Variants in PCDHA8 observed in about 807,000 individuals in gnomAD.
PCDHA8 encodes protocadherin alpha 8.
In PCDHA8, 53 loss-of-function variants were observed where a neutral mutation model predicts 61.8. That is an observed-to-expected ratio of 0.86 (90% CI 0.69 to 1.08). The LOEUF (loss-of-function observed/expected upper bound fraction) is 1.08, where lower values mean the gene tolerates loss of function less well. Among genes scored for constraint, PCDHA8 ranks in the 50% least tolerant of loss-of-function variants. PCDHA8 has a pLI of 0.00. For missense variants in PCDHA8, 1,293 were observed against 1,245.0 expected (o/e 1.04, Z -0.58); for synonymous variants, 618 against 556.6 (o/e 1.11, Z -1.55).
At position 140,875,345 on chromosome 5, in the gene PCDHA8, A is replaced by T. The variant is rs183266244; in HGVS notation, c.2394+31630A>T. 3,872 of 1,443,290 alleles carry T rather than the reference A, an allele frequency of 2.7e-3. 16 individuals are homozygous for T. The highest frequency in any genetic ancestry group is 0.011 in the African/African-American group (735 of 69,882). 89.4% of individuals were successfully genotyped at this position (1,443,290 alleles called of 1,614,324 possible). On this transcript the variant is annotated intron_variant, in intron 1 of 3. Coordinates refer to ENST00000531613, the MANE Select transcript of PCDHA8 (RefSeq NM_018911.3). ...TTCACGGAATAGGATCGACTCCATA[A>T]TGACTGTGATGCTGGAAAAAATTTA...
intron 1 of PCDHA8, among the ~76,000 whole-genome samples, chr5:140,942,273 G>C (rs1360564646): frequency 6.6e-6 from 1 of 152,132 alleles, no homozygotes; most frequent in South Asian, 2.1e-4. Context: ...AGCTGGTAAT[G>C]GTGGCTCATG....
chr5:140,905,215 AAGGTG>A (rs2071683869), intron 1 of PCDHA8, among the ~76,000 whole-genome samples: 1 of 152,186 alleles, frequency 6.6e-6, no homozygotes, highest in Non-Finnish European at 1.5e-5. Flanking sequence ...ATTTTTGTGT[AAGGTG>A]AGAGATGAGG....
intron 1 of PCDHA8, among the ~76,000 whole-genome samples, chr5:140,895,833 C>G (rs1325973837): frequency 2.0e-5 from 3 of 152,038 alleles, no homozygotes; most frequent in Non-Finnish European, 2.9e-5. Context: ...TTTTTTCAGA[C>G]AAAGTCTCAC....
Position 140,967,279 on chromosome 5 carries a change from T to G in PCDHA8, c.2395-11670T>G, listed in dbSNP as rs184476796. The G allele has an allele frequency of 7.8e-5, 126 of 1,613,002 alleles. 1 individual carries two copies. The East Asian group carries it at 2.6e-3, about 34-fold the overall frequency. On this transcript the variant is annotated intron_variant, in intron 1 of 3. Coordinates refer to ENST00000531613, the MANE Select transcript of PCDHA8 (RefSeq NM_018911.3). ...CTGGAGCGCGCTTTCACATAGAGAGTGCGCAGGACCCCGACGTGGGCGCCA... is the reference window on the plus strand; with the variant it reads ...CTGGAGCGCGCTTTCACATAGAGAGGGCGCAGGACCCCGACGTGGGCGCCA...
chr5:140,883,558 G>A, intron 1 of PCDHA8: 2 of 1,614,190 alleles, frequency 1.2e-6, no homozygotes, highest in South Asian at 1.1e-5. Context: ...CGCGGGACGG[G>A]GGCTCGCCTT....
At chr5:140,906,403 T>A (rs1583592944) in intron 1 of PCDHA8, among the ~76,000 whole-genome samples, 1 of 152,220 alleles carries the variant, frequency 6.6e-6, no homozygotes, top group East Asian at 1.9e-4. Context: ...AATTTTCATA[T>A]GAAGTCAATA....
intron 1 of PCDHA8, among the ~76,000 whole-genome samples, chr5:140,946,631 T>TATATATATACAC (rs57893927): frequency 0.012 from 1,602 of 131,782 alleles, 27 homozygotes; most frequent in South Asian, 0.028. Flanking sequence ...TATATATATA[T>TATATATATACAC]ACAATGGAAT....
chr5:140,850,733 G>T (rs2150496499), intron 1 of PCDHA8: 1 of 1,598,010 alleles, frequency 6.3e-7, no homozygotes, highest in East Asian at 2.2e-5. Context: ...GCGCGGTGGG[G>T]AGTTGGTCGT....
intron 1 of PCDHA8, chr5:140,870,750 G>C: frequency 1.2e-6 from 2 of 1,613,506 alleles, no homozygotes; most frequent in Non-Finnish European, 1.7e-6. Flanking sequence ...GCAACGTGAC[G>C]CTGCAGGTGT....
chr5:140,986,371 G>T (rs1453761888), intron 3 of PCDHA8, among the ~76,000 whole-genome samples: 2 of 152,116 alleles, frequency 1.3e-5, no homozygotes, highest in African/African-American at 2.4e-5. Flanking sequence ...AATGCGTTTT[G>T]GGGGGAGGGA....
At chr5:141,007,325 C>G (rs1303133451) in intron 3 of PCDHA8, among the ~76,000 whole-genome samples, 2 of 145,322 alleles carry the variant, frequency 1.4e-5, no homozygotes, top group Non-Finnish European at 3.0e-5. Flanking sequence ...CTAAAGTGGA[C>G]AGATTGCCTG....
intron 1 of PCDHA8, among the ~76,000 whole-genome samples, chr5:140,973,261 C>G (rs1162687249): frequency 6.6e-6 from 1 of 152,156 alleles, no homozygotes; most frequent in African/African-American, 2.4e-5. Flanking sequence ...TCAGTGGCAC[C>G]TACTTTTATT....
intron 1 of PCDHA8, chr5:140,882,971 G>A (rs1562782227): frequency 3.1e-6 from 5 of 1,614,206 alleles, no homozygotes; most frequent in Admixed American, 1.7e-5. Flanking sequence ...GATTCTGGAC[G>A]TGAATGACAA....
rs782045843 is a variant in PCDHA8 at position 140,884,051 on chromosome 5, C to A, written c.2394+40336C>A. Reference sequence around the variant, plus strand: ...TGCAGGCCACGTGGTGGCGAAGGTGCGCGCGGTGGACGCCGATTCGGGCTA... The same window carrying A: ...TGCAGGCCACGTGGTGGCGAAGGTGAGCGCGGTGGACGCCGATTCGGGCTA... On this transcript the variant is annotated intron_variant, in intron 1 of 3. Coordinates refer to ENST00000531613, the MANE Select transcript of PCDHA8 (RefSeq NM_018911.3). The A allele has an allele frequency of 9.3e-6, 15 of 1,613,426 alleles. No homozygotes were observed. In the South Asian group the frequency reaches 1.6e-4, roughly 18 times the overall value.
At chr5:140,863,532 T>G (rs1554158313) in intron 1 of PCDHA8, 1 of 390,936 alleles carries the variant, frequency 2.6e-6, no homozygotes, top group Non-Finnish European at 5.0e-6. Context: ...GTTCAGATTT[T>G]GGAGATGGAC....
At chr5:140,883,940 G>A in intron 1 of PCDHA8, 1 of 1,613,412 alleles carries the variant, frequency 6.2e-7, no homozygotes, top group Non-Finnish European at 8.5e-7. Flanking sequence ...CGTGCTGGAC[G>A]AGAACGACAA....
chr5:141,005,701 CAAAAAAAAA>C (rs59860837), intron 3 of PCDHA8, among the ~76,000 whole-genome samples: 2 of 7,784 alleles, frequency 2.6e-4, no homozygotes, highest in African/African-American at 4.7e-4. Context: ...AACTCCGTCT[CAAAAAAAAA>C]AAAAAAAAAA....
At chr5:140,892,439 T>G (rs2063514217) in intron 1 of PCDHA8, among the ~76,000 whole-genome samples, 1 of 152,206 alleles carries the variant, frequency 6.6e-6, no homozygotes, top group Non-Finnish European at 1.5e-5. Context: ...TTATCTAAAA[T>G]TTACATGTAT....
Position 141,009,935 on chromosome 5 carries a change from T to TGAG in PCDHA8, c.2853_*2dup. Reference sequence around the variant, plus strand: ...CAGCACGACTGACAACAGTGACCAGTGAGGTCCTCAAATGGAAACAAGCCA... The same window carrying TGAG: ...CAGCACGACTGACAACAGTGACCAGTGAGGAGGTCCTCAAATGGAAACAAGCCA... On this transcript the variant is annotated inframe_insertion and stop_retained_variant, in exon 4 of 4. Transcript: ENST00000531613. 6.2e-7 allele frequency: 1 copy of TGAG among 1,602,418 alleles called. No individual in the cohort carries two copies. The highest frequency in any genetic ancestry group is 8.5e-7 in the Non-Finnish European group (1 of 1,176,054).
Sources: allele counts gnomAD v4.1 joint callset (sites outside exome capture counted in the v4.1 genomes callset), GRCh38; gene constraint gnomAD v4.1.1; transcripts MANE v1.5; gene names NCBI Gene and HGNC (gene_info 2026-07-23, HGNC 2026-07-21).